The following DLEC1 variants were observed in gnomAD, a reference collection of about 807,000 sequenced individuals.
The protein encoded by DLEC1 is deleted in lung and esophageal cancer protein 1.
DLEC1 carries 146 observed loss-of-function variants against 198.1 expected under a neutral mutation model. The ratio of observed to expected loss-of-function variants is 0.74; its 90% CI spans 0.64 to 0.85. DLEC1 has a LOEUF of 0.85. DLEC1 is among the 40% of genes least tolerant of loss of function. The pLI, the probability that DLEC1 is intolerant of heterozygous loss-of-function variation, is 0.00. For synonymous variants in DLEC1, 897 were observed against 866.8 expected (o/e 1.03, Z -0.61); for missense variants, 2,233 against 2,220.0 (o/e 1.01, Z -0.12).
chr3:38,046,724 GA>G (rs1325457823), intron 2 of DLEC1, among the ~76,000 whole-genome samples: 1 of 152,110 alleles, frequency 6.6e-6, no homozygotes, highest in Admixed American at 6.6e-5. Context: ...ACTCCATTTT[GA>G]TTCAGACAAC....
At chr3:38,085,468 C>A in intron 8 of DLEC1, 21 bp downstream of exon 8, 1 of 1,611,992 alleles carries the variant, frequency 6.2e-7, no homozygotes, top group East Asian at 2.2e-5. Context: ...ACCGTAGCTT[C>A]CCACAGATTC....
intron 14 of DLEC1, 107 bp from the exon 15 acceptor site, chr3:38,096,462 G>A (rs1699021960): frequency 1.5e-6 from 2 of 1,341,014 alleles, no homozygotes; most frequent in African/African-American, 2.9e-5. Flanking sequence ...CTGTGGGTTA[G>A]GCAGTGTTTT....
chr3:38,122,169 G>A lies in DLEC1; in HGVS notation c.5119G>A (p.Ala1707Thr), dbSNP rs574902581. The A allele has an allele frequency of 9.3e-6, 15 of 1,614,064 alleles. No individual in the cohort carries two copies. Among genetic ancestry groups the A allele is most frequent in the South Asian group, 3.3e-5 (3 of 91,086 alleles). Reference protein sequence around the residue: ...RSANAPPTSIALQVFFTARSS... With the variant: ...RSANAPPTSITLQVFFTARSS... Reference sequence around the variant, plus strand: ...CGCCAATGCACCCCCAACCTCCATCGCCTTGCAGGTTTTCTTCACTGCCAG... The same window carrying A: ...CGCCAATGCACCCCCAACCTCCATCACCTTGCAGGTTTTCTTCACTGCCAG... Residue 1707 changes from alanine to threonine, a missense_variant, in exon 36 of 37, where the codon GCC becomes ACC. Transcript: ENST00000308059.
intron 2 of DLEC1, among the ~76,000 whole-genome samples, chr3:38,051,518 C>G (rs1023924893): frequency 2.6e-5 from 4 of 152,198 alleles, no homozygotes; most frequent in African/African-American, 9.6e-5. Flanking sequence ...GAGGCTTTGA[C>G]GACCATCAGT....
rs748054135 is a variant in DLEC1 at position 38,115,023 on chromosome 3, AC to A, written c.3829del (p.Leu1277PhefsTer3). 37 of 1,610,674 alleles carry A rather than the reference AC, an allele frequency of 2.3e-5. No homozygotes were observed. The Admixed American group carries it at 2.3e-4, about 10-fold the overall frequency. On this transcript the variant is annotated frameshift_variant, in exon 27 of 37. Coordinates refer to ENST00000308059, the MANE Select transcript of DLEC1 (RefSeq NM_007335.4). LOFTEE classifies it high-confidence loss of function. ...CTCCGGAGGAGACACAGTTACCCGAACCCTTCGCCTGAATAACTCCAGCCCC... is the reference window on the plus strand; with the variant it reads ...CTCCGGAGGAGACACAGTTACCCGAACCTTCGCCTGAATAACTCCAGCCCC... ...QVSGGDTVTR[T>X]LRLNNSSPCD...
Position 38,115,846 on chromosome 3 carries a change from G to A in DLEC1, c.3857-607G>A, listed in dbSNP as rs75625475. 8.5e-5 allele frequency among the ~76,000 whole-genome samples: 13 copies of A among 152,194 alleles called. No homozygotes were observed. In the East Asian group the frequency reaches 2.1e-3, roughly 25 times the overall value. The stretch of plus-strand genomic sequence containing the variant: ...ACATTGTCATGGTGCAGGCTGGAGA[G>A]AGAGCAATGGGGAGCCCCAGCTTAG... On this transcript the variant is annotated intron_variant, in intron 27 of 36. Transcript: ENST00000308059.
intron 19 of DLEC1, chr3:38,103,699 T>C (rs1699418632): frequency 6.6e-6 from 1 of 152,268 alleles, no homozygotes; most frequent in African/African-American, 2.4e-5. Context: ...GTGAGATACG[T>C]ACGACTCTTC....
chr3:38,117,521 G>A lies in DLEC1; in HGVS notation c.4401-6G>A. 1 of 1,614,176 alleles carries A rather than the reference G, an allele frequency of 6.2e-7. No homozygotes were observed. The highest frequency in any genetic ancestry group is 8.5e-7 in the Non-Finnish European group (1 of 1,179,994). ...GCTTGCCCCAACAATGCCTATTGCT[G>A]GGCAGGCTAAGTGTGGAGCTGGACT... On this transcript the variant is annotated splice_region_variant and splice_polypyrimidine_tract_variant and intron_variant, in intron 31 of 36. Coordinates refer to ENST00000308059, the MANE Select transcript of DLEC1 (RefSeq NM_007335.4).
At chr3:38,096,876 C>G (rs1029838160) in intron 15 of DLEC1, 139 bp downstream of exon 15, 1 of 1,051,526 alleles carries the variant, frequency 9.5e-7, no homozygotes, top group Admixed American at 2.5e-5. Flanking sequence ...GCTTTGAACC[C>G]AACTTGACTT....
At chr3:38,051,714 T>C (rs1247655460) in intron 2 of DLEC1, 1 of 201,370 alleles carries the variant, frequency 5.0e-6, no homozygotes, top group East Asian at 1.2e-4. Flanking sequence ...TTAAAGGTCA[T>C]GAACCAGGGT....
chr3:38,086,472 A>C (rs942449196), intron 9 of DLEC1, 95 bp downstream of exon 9: 31 of 1,474,256 alleles, frequency 2.1e-5, no homozygotes, highest in Non-Finnish European at 2.7e-5. Flanking sequence ...ATGATTGGAA[A>C]CACACAGAAC....
chr3:38,090,575 A>T (rs997814232), intron 10 of DLEC1, among the ~76,000 whole-genome samples: 1 of 152,232 alleles, frequency 6.6e-6, no homozygotes, highest in East Asian at 1.9e-4. Context: ...CAAATTATGT[A>T]TAAATTATAC....
intron 5 of DLEC1, among the ~76,000 whole-genome samples, chr3:38,063,337 C>T (rs1458126597): frequency 1.3e-5 from 2 of 152,132 alleles, no homozygotes; most frequent in South Asian, 2.1e-4. Flanking sequence ...GTGGCATGCA[C>T]CTGTGATCCC....
At chr3:38,075,180 G>A (rs1214463032) in intron 6 of DLEC1, among the ~76,000 whole-genome samples, 2 of 152,126 alleles carry the variant, frequency 1.3e-5, no homozygotes, top group Admixed American at 6.5e-5. Flanking sequence ...GACTGAGGGG[G>A]CAGGCGGGAA....
chr3:38,039,336 C>T lies in DLEC1; in HGVS notation c.111C>T (p.Ser37=). 6.2e-7 allele frequency: 1 copy of T among 1,614,238 alleles called. No individual in the cohort carries two copies. Residue 37 remains serine (S), a synonymous_variant, in exon 1 of 37, where the codon AGC becomes AGT. Transcript: ENST00000308059. ...TSPPAGSSSP[S]QPTWKSSLYS... The stretch of plus-strand genomic sequence containing the variant: ...CACCAGCCGGGTCCAGCAGCCCCAG[C>T]CAGCCCACCTGGAAGTCCTCCTTGT...
At chr3:38,100,204 T>C in intron 18 of DLEC1, 82 bp from the exon 19 acceptor site, 1 of 1,477,184 alleles carries the variant, frequency 6.8e-7, no homozygotes, top group Non-Finnish European at 9.0e-7. Context: ...GGAGTGACTT[T>C]GGTTAGGCAT....
chr3:38,086,516 C>A, intron 9 of DLEC1, 139 bp downstream of exon 9: 1 of 1,171,182 alleles, frequency 8.5e-7, no homozygotes, highest in Non-Finnish European at 1.2e-6. Flanking sequence ...GCAACTGCCA[C>A]AACCCGAATG....
chr3:38,056,145 C>G (rs1447483425), intron 2 of DLEC1, among the ~76,000 whole-genome samples: 3 of 151,442 alleles, frequency 2.0e-5, no homozygotes, highest in Admixed American at 6.6e-5. Flanking sequence ...GCATGCGCCT[C>G]CCAGCTACTT....
At position 38,122,194 on chromosome 3, in the gene DLEC1, G is replaced by T. The variant is rs1013320310; in HGVS notation, c.5144G>T (p.Arg1715Met). 7.4e-6 allele frequency: 12 copies of T among 1,613,668 alleles called. No individual in the cohort carries two copies. Among genetic ancestry groups the T allele is most frequent in the Non-Finnish European group, 8.5e-6 (10 of 1,179,736 alleles). Reference sequence around the variant, plus strand: ...GCCTTGCAGGTTTTCTTCACTGCCAGGTGCAGCCCCTTCCAACCTTCCCCA... The same window carrying T: ...GCCTTGCAGGTTTTCTTCACTGCCATGTGCAGCCCCTTCCAACCTTCCCCA... ...SIALQVFFTA[R>M]SSELYESTMV... The change falls in exon 36 of 37, where the codon AGG becomes ATG. Residue 1715 changes from arginine to methionine, a missense_variant and splice_region_variant. Transcript: ENST00000308059.
Sources: allele counts gnomAD v4.1 joint callset (sites outside exome capture counted in the v4.1 genomes callset), GRCh38; gene constraint gnomAD v4.1.1; transcripts MANE v1.5; gene names NCBI Gene and HGNC (gene_info 2026-07-23, HGNC 2026-07-21).